Variants in PKIA observed in about 807,000 individuals in gnomAD.
PKIA encodes the protein cAMP-dependent protein kinase inhibitor alpha.
A neutral mutation model predicts 7.6 loss-of-function variants in PKIA; 4 were observed. The ratio of observed to expected loss-of-function variants is 0.52; its 90% CI spans 0.26 to 1.20. PKIA has a LOEUF of 1.20. Among genes scored for constraint, PKIA ranks in the 50% most tolerant of loss-of-function variants. The probability of loss-of-function intolerance (pLI) is 0.13; values close to 1 mark genes in which losing one functional copy is unlikely to be tolerated. For synonymous variants in PKIA, 21 were observed against 30.7 expected (o/e 0.68, Z 1.04); for missense variants, 73 against 86.2 (o/e 0.85, Z 0.61).
chr8:78,584,260 T>C (rs1807896078), intron 2 of PKIA, among the ~76,000 whole-genome samples: 1 of 151,930 alleles, frequency 6.6e-6, no homozygotes, highest in Non-Finnish European at 1.5e-5. Flanking sequence ...ATATAGACAA[T>C]AATTAGATTT....
At chr8:78,588,883 A>C (rs1410301831) in intron 2 of PKIA, among the ~76,000 whole-genome samples, 3 of 152,044 alleles carry the variant, frequency 2.0e-5, no homozygotes, top group Non-Finnish European at 4.4e-5. Context: ...CCTGGGCAAC[A>C]AAGTGAGACC....
chr8:78,572,450 G>T (rs1028389506), intron 1 of PKIA, among the ~76,000 whole-genome samples: 7 of 151,114 alleles, frequency 4.6e-5, no homozygotes, highest in Non-Finnish European at 1.0e-4. Flanking sequence ...TTAAAGAAAA[G>T]ACAGAAAACT....
At chr8:78,557,931 CA>C (rs1473342979) in intron 1 of PKIA, among the ~76,000 whole-genome samples, 1 of 152,118 alleles carries the variant, frequency 6.6e-6, no homozygotes, top group African/African-American at 2.4e-5. Flanking sequence ...ATTTATGTGA[CA>C]CTTTGTTTTA....
intron 1 of PKIA, among the ~76,000 whole-genome samples, chr8:78,555,310 T>C (rs533997107): frequency 6.6e-6 from 1 of 151,938 alleles, no homozygotes; most frequent in African/African-American, 2.4e-5. Context: ...CTCCTCCACA[T>C]CATCAAAACT....
chr8:78,549,887 C>G (rs1280224389), intron 1 of PKIA, among the ~76,000 whole-genome samples: 6 of 151,980 alleles, frequency 3.9e-5, no homozygotes, highest in African/African-American at 1.4e-4. Context: ...TCTGAGGTTT[C>G]ATTTATTGCT....
chr8:78,565,198 GA>G (rs1467781135), intron 1 of PKIA, among the ~76,000 whole-genome samples: 2 of 140,464 alleles, frequency 1.4e-5, no homozygotes, highest in Non-Finnish European at 3.1e-5. Flanking sequence ...AAAATTTCAA[GA>G]TTTTTTTTCT....
chr8:78,545,072 A>G (rs556907182), intron 1 of PKIA, among the ~76,000 whole-genome samples: 2 of 152,292 alleles, frequency 1.3e-5, no homozygotes, highest in East Asian at 3.9e-4. Context: ...CATGCTTTCT[A>G]TAATTGCAAC....
intron 2 of PKIA, among the ~76,000 whole-genome samples, chr8:78,587,827 TA>T (rs1439203434): frequency 3.3e-5 from 5 of 152,142 alleles, no homozygotes; most frequent in Admixed American, 2.6e-4. Flanking sequence ...CTTAAGTTTA[TA>T]AAAAATATTT....
At chr8:78,561,608 T>A (rs1285951140) in intron 1 of PKIA, among the ~76,000 whole-genome samples, 1 of 152,188 alleles carries the variant, frequency 6.6e-6, no homozygotes, top group Non-Finnish European at 1.5e-5. Flanking sequence ...CACGTATGTA[T>A]GATTTTGAAC....
At position 78,567,482 on chromosome 8, in the gene PKIA, T is replaced by C. The variant is rs537137250; in HGVS notation, c.-156-5329T>C. Among the ~76,000 whole-genome samples, 4 of 152,202 alleles carry C rather than the reference T, an allele frequency of 2.6e-5. No homozygotes were observed. The East Asian group carries it at 7.7e-4, about 29-fold the overall frequency. Reference sequence around the variant, plus strand: ...AATGTGTCTTATGCTTTTCTCAAGATTGGGAGTGTGCTTTTGAGGAAGACC... The same window carrying C: ...AATGTGTCTTATGCTTTTCTCAAGACTGGGAGTGTGCTTTTGAGGAAGACC... On this transcript the variant is annotated intron_variant, in intron 1 of 3. Transcript: ENST00000396418.
At chr8:78,537,838 C>T (rs1198550912) in intron 1 of PKIA, among the ~76,000 whole-genome samples, 1 of 152,018 alleles carries the variant, frequency 6.6e-6, no homozygotes, top group East Asian at 1.9e-4. Context: ...CTGCTGCAGA[C>T]ATACTTATCT....
At chr8:78,569,789 G>A (rs2118549769) in intron 1 of PKIA, among the ~76,000 whole-genome samples, 1 of 152,024 alleles carries the variant, frequency 6.6e-6, no homozygotes, top group African/African-American at 2.4e-5. Flanking sequence ...GAAAGTATAA[G>A]CAACAAAATA....
At chr8:78,597,696 C>T (rs1446890428) in intron 2 of PKIA, among the ~76,000 whole-genome samples, 1 of 152,082 alleles carries the variant, frequency 6.6e-6, no homozygotes, top group Non-Finnish European at 1.5e-5. Flanking sequence ...GCATGCAGGC[C>T]AAATCTGGCC....
intron 1 of PKIA, among the ~76,000 whole-genome samples, chr8:78,571,223 T>C (rs1295307073): frequency 6.6e-6 from 1 of 152,042 alleles, no homozygotes; most frequent in Non-Finnish European, 1.5e-5. Context: ...ACCTTTGATT[T>C]GATTTAATAG....
chr8:78,543,372 C>T (rs1806743698), intron 1 of PKIA, among the ~76,000 whole-genome samples: 1 of 152,144 alleles, frequency 6.6e-6, no homozygotes, highest in Non-Finnish European at 1.5e-5. Context: ...TAAATGCACA[C>T]AATGTCTTAC....
At chr8:78,577,967 C>A (rs1332995929) in intron 2 of PKIA, among the ~76,000 whole-genome samples, 6 of 152,022 alleles carry the variant, frequency 3.9e-5, no homozygotes, top group Admixed American at 6.6e-5. Flanking sequence ...GCTGTTCTTA[C>A]AATTTAATCC....
intron 2 of PKIA, among the ~76,000 whole-genome samples, chr8:78,588,356 T>G (rs1808002979): frequency 1.3e-5 from 2 of 152,118 alleles, no homozygotes; most frequent in Admixed American, 6.6e-5. Context: ...GGCGCATGCC[T>G]GTAATCCCAG....
rs1401853425 is a variant in PKIA, at chr8:78,548,178, C to G, written c.-156-24633C>G. ...TTTCTTAAAAGATGAGAACTTACTA[C>G]CAGAAACATGTAGTATATTAATAGC... On this transcript the variant is annotated intron_variant, in intron 1 of 3. Coordinates refer to ENST00000396418, the MANE Select transcript of PKIA (RefSeq NM_006823.4). Among the ~76,000 whole-genome samples, 5 of 151,988 alleles carry G rather than the reference C, an allele frequency of 3.3e-5. No homozygotes were observed. In the East Asian group the frequency reaches 9.6e-4, roughly 29 times the overall value.
At chr8:78,526,443 C>G (rs953548960) in intron 1 of PKIA, among the ~76,000 whole-genome samples, 1 of 151,938 alleles carries the variant, frequency 6.6e-6, no homozygotes. Flanking sequence ...AATGATATTA[C>G]GGGCATTAAA....
Sources: allele counts gnomAD v4.1 joint callset (sites outside exome capture counted in the v4.1 genomes callset), GRCh38; gene constraint gnomAD v4.1.1; transcripts MANE v1.5; gene names NCBI Gene and HGNC (gene_info 2026-07-23, HGNC 2026-07-21).